SMURF2: variants seen among roughly 807,000 people sequenced by gnomAD.
SMURF2 encodes the protein E3 ubiquitin-protein ligase SMURF2.
Under a neutral mutation model 109.6 loss-of-function variants are expected in SMURF2, and 48 were observed. The ratio of observed to expected loss-of-function variants is 0.44; its 90% confidence interval spans 0.35 to 0.56. The LOEUF (loss-of-function observed/expected upper bound fraction) is 0.56. Ranked by LOEUF, SMURF2 falls within the 20% of genes least tolerant of loss-of-function variation. SMURF2 has a pLI of 0.01. For synonymous variants in SMURF2, 288 were observed against 317.1 expected (o/e 0.91, Z 0.97); for missense variants, 575 against 909.0 (o/e 0.63, Z 4.72).
At chr17:64,597,856 A>G (rs1444587882) in intron 3 of SMURF2, among the ~76,000 whole-genome samples, 1 of 152,110 alleles carries the variant, frequency 6.6e-6, no homozygotes, top group Non-Finnish European at 1.5e-5. Flanking sequence ...AGATGAAAAT[A>G]CCAGAATAAA....
At position 64,662,125 on chromosome 17, in the gene SMURF2, CCGCCCGCGCCGCCTCCGCCCG is replaced by C. The variant is rs1208941862; in HGVS notation, c.-266_-246del. 8 of 1,037,878 alleles carry C rather than the reference CCGCCCGCGCCGCCTCCGCCCG, an allele frequency of 7.7e-6. No homozygotes were observed. The Admixed American group carries it at 2.8e-4, about 37-fold the overall frequency. 64.3% of individuals were successfully genotyped at this position (1,037,878 alleles called of 1,614,324 possible). On this transcript the variant is annotated 5_prime_UTR_variant, in exon 1 of 19. Coordinates refer to ENST00000262435, the MANE Select transcript of SMURF2 (RefSeq NM_022739.4). Reference sequence around the variant, plus strand: ...CCGCACAACAAAGCGGCAGCCGCGGCCGCCCGCGCCGCCTCCGCCCGCGCCCCCGCCGCCTCCTCGCGGCCG... The same window carrying C: ...CCGCACAACAAAGCGGCAGCCGCGGCCGCCCCCGCCGCCTCCTCGCGGCCG...
intron 9 of SMURF2, among the ~76,000 whole-genome samples, chr17:64,576,928 T>A (rs1969501843): frequency 7.6e-6 from 1 of 131,542 alleles, no homozygotes; most frequent in Admixed American, 8.7e-5. Flanking sequence ...TCACCCAGGC[T>A]ACAGTGCAGT....
At chr17:64,657,562 A>G (rs1970721373) in intron 1 of SMURF2, among the ~76,000 whole-genome samples, 1 of 151,684 alleles carries the variant, frequency 6.6e-6, no homozygotes, top group East Asian at 1.9e-4. Context: ...AAAATCAGCC[A>G]GTCACAGTGG....
At chr17:64,615,355 G>A (rs1330417481) in intron 1 of SMURF2, among the ~76,000 whole-genome samples, 1 of 152,116 alleles carries the variant, frequency 6.6e-6, no homozygotes, top group Non-Finnish European at 1.5e-5. Flanking sequence ...TAGCATAAAT[G>A]CTTTTGAACA....
intron 1 of SMURF2, among the ~76,000 whole-genome samples, chr17:64,636,019 G>A (rs1357354664): frequency 1.3e-5 from 2 of 152,116 alleles, no homozygotes; most frequent in Admixed American, 6.5e-5. Context: ...TCTAGTGGTC[G>A]TGAAGTAGTA....
chr17:64,571,508 C>T (rs569370177), intron 10 of SMURF2, among the ~76,000 whole-genome samples: 3 of 152,192 alleles, frequency 2.0e-5, no homozygotes, highest in East Asian at 3.9e-4. Flanking sequence ...TGGGCTCAGG[C>T]GATTCTCCTG....
Position 64,580,888 on chromosome 17 carries a change from C to G in SMURF2, c.673G>C (p.Asp225His), listed in dbSNP as rs1182753634. 1.2e-6 allele frequency: 2 copies of G among 1,614,038 alleles called. No homozygotes were observed. The highest frequency in any genetic ancestry group is 1.7e-6 in the Non-Finnish European group (2 of 1,180,028). Reference sequence around the variant, plus strand: ...ACTCTCCTCTCTGCCAGCCTGGGATCTGAAGACTGTCCACATGTTGCACCA... The same window carrying G: ...ACTCTCCTCTCTGCCAGCCTGGGATGTGAAGACTGTCCACATGTTGCACCA... ...TNGATCGQSSDPRLAERRVRS... is the reference protein window; with the variant it reads ...TNGATCGQSSHPRLAERRVRS... The change falls in exon 8 of 19, where the codon GAT becomes CAT. Residue 225 changes from aspartate (D) to histidine (H), a missense_variant. Around this residue, in one of 5 missense-constraint regions of SMURF2, gnomAD observed 151 missense variants for 178.4 expected, o/e 0.85. Transcript: ENST00000262435.
At chr17:64,566,809 A>T (rs1345468497) in intron 10 of SMURF2, among the ~76,000 whole-genome samples, 1 of 150,070 alleles carries the variant, frequency 6.7e-6, no homozygotes, top group Admixed American at 6.7e-5. Context: ...TGACCTTGTG[A>T]TCCACCCACC....
intron 13 of SMURF2, 85 bp from the exon 14 acceptor site, chr17:64,556,083 T>G: frequency 9.7e-7 from 1 of 1,029,798 alleles, no homozygotes; most frequent in Non-Finnish European, 1.4e-6. Context: ...AACATTAATC[T>G]TTTTGAGAAT....
chr17:64,657,267 G>T (rs1970717587), intron 1 of SMURF2, among the ~76,000 whole-genome samples: 1 of 152,158 alleles, frequency 6.6e-6, no homozygotes, highest in Non-Finnish European at 1.5e-5. Flanking sequence ...AGCCTTAAAA[G>T]ATGGGCAAGT....
intron 6 of SMURF2, among the ~76,000 whole-genome samples, chr17:64,583,953 G>A (rs868915857): frequency 7.3e-5 from 11 of 151,700 alleles, no homozygotes; most frequent in African/African-American, 1.9e-4. Flanking sequence ...GTGAGCCACC[G>A]CATCCGGCCA....
chr17:64,651,442 C>T (rs1970638875), intron 1 of SMURF2, among the ~76,000 whole-genome samples: 2 of 149,368 alleles, frequency 1.3e-5, no homozygotes, highest in African/African-American at 2.5e-5. Context: ...CATGGTGGCG[C>T]GCGCCTGTAG....
At chr17:64,632,991 C>T (rs1555691784) in intron 1 of SMURF2, among the ~76,000 whole-genome samples, 1 of 152,150 alleles carries the variant, frequency 6.6e-6, no homozygotes, top group African/African-American at 2.4e-5. Context: ...AAGGTAGAGG[C>T]TGCATGTGGT....
Position 64,555,949 on chromosome 17 carries a change from A to G in SMURF2, c.1481T>C (p.Val494Ala). 6.2e-7 allele frequency: 1 copy of G among 1,613,700 alleles called. No individual in the cohort carries two copies. ...HFVGRIMGMA[V>A]FHGHYIDGGF... ...ACCATCAATATAATGTCCATGAAAC[A>G]CAGCCATTCCCATTATTCGTCCAAC... Residue 494 changes from valine to alanine, a missense_variant, in exon 14 of 19, where the codon GTG (valine) becomes GCG (alanine). Val to Ala is a moderately conservative substitution (Grantham distance 64). Transcript: ENST00000262435.
chr17:64,629,994 T>C (rs973448590), intron 1 of SMURF2, among the ~76,000 whole-genome samples: 25 of 151,968 alleles, frequency 1.6e-4, no homozygotes, highest in Admixed American at 1.6e-3. Context: ...TCCCAGGACT[T>C]TGGGAGGTCG....
chr17:64,619,478 C>CAAA (rs552413988), intron 1 of SMURF2, among the ~76,000 whole-genome samples: 452 of 32,702 alleles, frequency 0.014, 2 homozygotes, highest in Admixed American at 0.024. Context: ...ACTCTTGTCT[C>CAAA]AAAAAAAAAA....
At chr17:64,631,657 C>CA (rs1568203130) in intron 1 of SMURF2, among the ~76,000 whole-genome samples, 2 of 152,072 alleles carry the variant, frequency 1.3e-5, no homozygotes, top group Non-Finnish European at 2.9e-5. Flanking sequence ...CACCCCCTCC[C>CA]AAAAAACAAA....
chr17:64,607,620 T>C (rs1969987891), intron 1 of SMURF2, among the ~76,000 whole-genome samples: 1 of 135,352 alleles, frequency 7.4e-6, no homozygotes, highest in Non-Finnish European at 1.5e-5. Flanking sequence ...AGCAAGACTG[T>C]CTCAAAAAAA....
At chr17:64,577,574 TAAATA>T (rs1458096713) in intron 9 of SMURF2, among the ~76,000 whole-genome samples, 4 of 137,746 alleles carry the variant, frequency 2.9e-5, no homozygotes, top group Non-Finnish European at 6.2e-5. Context: ...AATAAATAAA[TAAATA>T]AAACACTAAA....
Sources: allele counts gnomAD v4.1 joint callset (sites outside exome capture counted in the v4.1 genomes callset), GRCh38; gene constraint gnomAD v4.1.1; regional missense constraint gnomAD v4.1.1; transcripts MANE v1.5; gene names NCBI Gene and HGNC (gene_info 2026-07-23, HGNC 2026-07-21).